Variants in FOXK1 observed in about 807,000 individuals in gnomAD.
FOXK1 encodes forkhead box protein K1.
A neutral mutation model predicts 51.9 loss-of-function variants in FOXK1; 19 were observed. That is an observed-to-expected ratio of 0.37 (90% CI 0.26 to 0.54). FOXK1 has a LOEUF of 0.54. Among genes scored for constraint, FOXK1 ranks in the 20% least tolerant of loss-of-function variants. The probability of loss-of-function intolerance (pLI) is 0.87; values close to 1 mark genes in which losing one functional copy is unlikely to be tolerated. For synonymous variants in FOXK1, 537 were observed against 482.6 expected (o/e 1.11, Z -1.48); for missense variants, 870 against 1,032.7 (o/e 0.84, Z 2.16).
chr7:4,728,962 C>G (rs967655669), intron 1 of FOXK1, among the ~76,000 whole-genome samples: 1 of 152,160 alleles, frequency 6.6e-6, no homozygotes, highest in Non-Finnish European at 1.5e-5. Context: ...ATTTTGAGAT[C>G]TGCAGATTAA....
At chr7:4,706,881 G>A (rs1025591358) in intron 1 of FOXK1, among the ~76,000 whole-genome samples, 6 of 152,170 alleles carry the variant, frequency 3.9e-5, no homozygotes, top group Non-Finnish European at 7.3e-5. Flanking sequence ...TGCTGGGTCG[G>A]CCTGTGCCTT....
intron 1 of FOXK1, among the ~76,000 whole-genome samples, chr7:4,698,312 G>A (rs963021878): frequency 1.4e-5 from 2 of 147,164 alleles, no homozygotes; most frequent in African/African-American, 5.0e-5. Context: ...GTATGTGTGT[G>A]TATATATATA....
chr7:4,735,347 A>G lies in FOXK1; in HGVS notation c.561-5491A>G, dbSNP rs768365361. Among the ~76,000 whole-genome samples the G allele has an allele frequency of 7.9e-5, 12 of 152,302 alleles. No homozygotes were observed. The highest frequency in any genetic ancestry group is 1.8e-4 in the Non-Finnish European group (12 of 68,024). ...TTGGGCAAGAATTCTCCCCAAAAAC[A>G]GCTTGCCTGAGATCGACTGCACATA... On this transcript the variant is annotated intron_variant, in intron 1 of 8. Transcript: ENST00000328914. This position sits in a 1 kb window ranked among gnomAD's most constrained non-coding sequence, Gnocchi z 4.7.
rs1781041726 is a variant in FOXK1 at position 4,768,121 on chromosome 7, C to CTCTT, written c.*5658_*5659insCTTT. The CTCTT allele has an allele frequency of 1.3e-5, 1 of 79,170 alleles. No homozygotes were observed. Among genetic ancestry groups the CTCTT allele is most frequent in the African/African-American group, 6.5e-5 (1 of 15,492 alleles). The allele number at this position is 79,170 out of a possible 1,614,324, so 4.9% of individuals were successfully genotyped here. On this transcript the variant is annotated 3_prime_UTR_variant, in exon 9 of 9. Coordinates refer to ENST00000328914, the MANE Select transcript of FOXK1 (RefSeq NM_001037165.2). The stretch of plus-strand genomic sequence containing the variant: ...AAAAACAGACCCATTTCACTGACTT[C>CTCTT]TTTTTTTTTTTTTTTTTTTTTTTTT...
At position 4,703,750 on chromosome 7, in the gene FOXK1, A is replaced by G. The variant is rs184944739; in HGVS notation, c.560+20882A>G. ...GGAGGCCCTTCAGTGCTCCGGAGGC[A>G]CTTTCAGAGCATCGTGACTAGATAA... is the stretch of plus-strand genomic sequence containing the variant. On this transcript the variant is annotated intron_variant, in intron 1 of 8. Coordinates refer to ENST00000328914, the MANE Select transcript of FOXK1 (RefSeq NM_001037165.2). The surrounding 1 kb of genome is among the most constrained non-coding windows in gnomAD (Gnocchi z 5.6). 2.0e-5 allele frequency among the ~76,000 whole-genome samples: 3 copies of G among 152,200 alleles called. No homozygotes were observed. Among genetic ancestry groups the G allele is most frequent in the African/African-American group, 7.2e-5 (3 of 41,448 alleles).
intron 1 of FOXK1, among the ~76,000 whole-genome samples, chr7:4,706,022 ACGTG>A (rs1259600531): frequency 1.9e-5 from 2 of 103,764 alleles, no homozygotes; most frequent in East Asian, 2.0e-4. Flanking sequence ...ACGTATATAT[ACGTG>A]TATATACGTG....
intron 1 of FOXK1, among the ~76,000 whole-genome samples, chr7:4,738,145 A>G (rs1333567239): frequency 5.4e-5 from 8 of 148,384 alleles, no homozygotes; most frequent in South Asian, 2.1e-4. Flanking sequence ...AAAAAAAAAA[A>G]GGGTGATGTG....
At chr7:4,737,552 C>CTGTGTG (rs146678822) in intron 1 of FOXK1, among the ~76,000 whole-genome samples, 10,125 of 148,874 alleles carry the variant, frequency 0.068, 354 homozygotes, top group African/African-American at 0.076. Flanking sequence ...GTGTGCGTGC[C>CTGTGTG]TGTGTGTGTG....
rs1174146328 is a variant in FOXK1, at chr7:4,761,420, C to T, written c.1921+132C>T. On this transcript the variant is annotated intron_variant, in intron 8 of 8. Coordinates refer to ENST00000328914, the MANE Select transcript of FOXK1 (RefSeq NM_001037165.2). The surrounding 1 kb of genome is among the most constrained non-coding windows in gnomAD (Gnocchi z 6.2). ...TTCAATTTATTGAGCACCTGCTATA[C>T]TCCAGGCACTGGGGTAATGCAAAGA... 4 of 936,982 alleles carry T rather than the reference C, an allele frequency of 4.3e-6. No homozygotes were observed. In the East Asian group the frequency reaches 8.0e-5, roughly 19 times the overall value. 58.0% of individuals were successfully genotyped at this position (936,982 alleles called of 1,614,324 possible).
chr7:4,709,447 ACTCGATGT>A lies in FOXK1; in HGVS notation c.560+26583_560+26590del, dbSNP rs1370298983. Among the ~76,000 whole-genome samples, 1 of 151,876 alleles carries A rather than the reference ACTCGATGT, an allele frequency of 6.6e-6. No individual in the cohort carries two copies. The highest frequency in any genetic ancestry group is 2.4e-5 in the African/African-American group (1 of 41,350). ...CAGTCCACATAGGCTGCTTATCTGG[ACTCGATGT>A]CTCCGAGCAGATCGAGGCTGGCCCA... is the stretch of plus-strand genomic sequence containing the variant. On this transcript the variant is annotated intron_variant, in intron 1 of 8. Coordinates refer to ENST00000328914, the MANE Select transcript of FOXK1 (RefSeq NM_001037165.2). This position sits in a 1 kb window ranked among gnomAD's most constrained non-coding sequence, Gnocchi z 5.6.
At chr7:4,754,428 A>G (rs772690344) in intron 2 of FOXK1, 31 bp from the exon 3 acceptor site, 4 of 1,605,714 alleles carry the variant, frequency 2.5e-6, no homozygotes, top group South Asian at 1.1e-5. Flanking sequence ...CTTCAGAGCC[A>G]TGAACTTACA....
intron 1 of FOXK1, among the ~76,000 whole-genome samples, chr7:4,696,186 A>G (rs150201534): frequency 1.4e-3 from 206 of 151,796 alleles, no homozygotes; most frequent in Non-Finnish European, 2.4e-3. Flanking sequence ...GGAGGCTTCC[A>G]TTTGTCCCTG....
Position 4,707,082 on chromosome 7 carries a change from G to A in FOXK1, c.560+24214G>A, listed in dbSNP as rs898564146. Among the ~76,000 whole-genome samples the A allele has an allele frequency of 2.0e-5, 3 of 152,216 alleles. No homozygotes were observed. The highest frequency in any genetic ancestry group is 2.9e-5 in the Non-Finnish European group (2 of 68,052). The stretch of plus-strand genomic sequence containing the variant: ...TAACGGTTGCTTCCTGCCTTTGTCC[G>A]TAATGGCCACCTTCCAGTCTTAGAG... On this transcript the variant is annotated intron_variant, in intron 1 of 8. Transcript: ENST00000328914. This position sits in a 1 kb window ranked among gnomAD's most constrained non-coding sequence, Gnocchi z 4.1.
At position 4,756,869 on chromosome 7, in the gene FOXK1, C is replaced by T; in HGVS notation, c.1051-125C>T. ...CCCGTGAGGCCCAGCCAGCACAGCACCAAGGGCTCTGCACAGAGGGACGGC... is the reference window on the plus strand; with the variant it reads ...CCCGTGAGGCCCAGCCAGCACAGCATCAAGGGCTCTGCACAGAGGGACGGC... On this transcript the variant is annotated intron_variant, in intron 4 of 8. Coordinates refer to ENST00000328914, the MANE Select transcript of FOXK1 (RefSeq NM_001037165.2). The surrounding 1 kb of genome is among the most constrained non-coding windows in gnomAD (Gnocchi z 4.1). 1 of 1,035,936 alleles carries T rather than the reference C, an allele frequency of 9.7e-7. No individual in the cohort carries two copies. 64.2% of individuals were successfully genotyped at this position (1,035,936 alleles called of 1,614,324 possible).
intron 1 of FOXK1, among the ~76,000 whole-genome samples, chr7:4,704,704 A>C (rs1485876034): frequency 6.6e-6 from 1 of 151,958 alleles, no homozygotes; most frequent in African/African-American, 2.4e-5. Context: ...TCACGGGCCC[A>C]TCTGTAGTTA....
At chr7:4,697,320 G>A (rs1779965946) in intron 1 of FOXK1, among the ~76,000 whole-genome samples, 1 of 152,334 alleles carries the variant, frequency 6.6e-6, no homozygotes, top group South Asian at 2.1e-4. Flanking sequence ...GATGACAGTG[G>A]CCTGCTGAAC....
At position 4,743,279 on chromosome 7, in the gene FOXK1, G is replaced by A. The variant is rs1780658944; in HGVS notation, c.746+2256G>A. ...ACTTTAAAGAGTGAACTGGCCGGGC[G>A]CGGTGGCTCACACTGGTAATGCCAG... On this transcript the variant is annotated intron_variant, in intron 2 of 8. Coordinates refer to ENST00000328914, the MANE Select transcript of FOXK1 (RefSeq NM_001037165.2). This position sits in a 1 kb window ranked among gnomAD's most constrained non-coding sequence, Gnocchi z 5.3. Among the ~76,000 whole-genome samples the A allele has an allele frequency of 1.3e-5, 2 of 152,218 alleles. No individual in the cohort carries two copies. The highest frequency in any genetic ancestry group is 6.5e-5 in the Admixed American group (1 of 15,282).
chr7:4,708,707 C>T (rs916627306), intron 1 of FOXK1, among the ~76,000 whole-genome samples: 4 of 152,182 alleles, frequency 2.6e-5, no homozygotes, highest in African/African-American at 9.6e-5. Context: ...GGGTGAACTT[C>T]ATTCCTGCCA....
chr7:4,682,713 C>T lies in FOXK1; in HGVS notation c.405C>T (p.Asp135=). The T allele has an allele frequency of 1.2e-6, 2 of 1,604,166 alleles. No individual in the cohort carries two copies. The highest frequency in any genetic ancestry group is 4.5e-5 in the East Asian group (2 of 44,538). The part of the protein sequence containing the change: ...IGRNSSQGSV[D]LSMGLSSFIS... ...GCAACTCGTCGCAGGGCTCGGTGGA[C>T]TTGAGCATGGGCCTGTCCAGCTTCA... The change falls in exon 1 of 9, where the codon GAC becomes GAT. Residue 135 remains aspartate (D), a synonymous_variant. Coordinates refer to ENST00000328914, the MANE Select transcript of FOXK1 (RefSeq NM_001037165.2). The surrounding 1 kb of genome is among the most constrained non-coding windows in gnomAD (Gnocchi z 7.6).
Sources: allele counts gnomAD v4.1 joint callset (sites outside exome capture counted in the v4.1 genomes callset), GRCh38; gene constraint gnomAD v4.1.1; non-coding constraint Gnocchi (gnomAD v3.1); transcripts MANE v1.5; gene names NCBI Gene and HGNC (gene_info 2026-07-23, HGNC 2026-07-21).